Variants in SLC16A12 observed in about 807,000 individuals in gnomAD.
SLC16A12 encodes the protein solute carrier family 16 member 12.
Under a neutral mutation model 42.4 loss-of-function variants are expected in SLC16A12, and 17 were observed. That is an observed-to-expected ratio of 0.40 (90% CI 0.27 to 0.60). The LOEUF is 0.60. Ranked by LOEUF, SLC16A12 falls within the 20% of genes least tolerant of loss-of-function variation. The probability of loss-of-function intolerance (pLI) is 0.42; values close to 1 mark genes in which losing one functional copy is unlikely to be tolerated. For missense variants in SLC16A12, 544 were observed against 623.0 expected (o/e 0.87, Z 1.35); for synonymous variants, 224 against 229.4 (o/e 0.98, Z 0.21).
chr10:89,494,068 T>C (rs1470001195), intron 2 of SLC16A12, among the ~76,000 whole-genome samples: 5 of 152,232 alleles, frequency 3.3e-5, no homozygotes, highest in African/African-American at 9.6e-5. Context: ...ATATTTCTTC[T>C]TGAAGAACTA....
At chr10:89,491,334 G>T (rs922997230) in intron 2 of SLC16A12, among the ~76,000 whole-genome samples, 6 of 152,090 alleles carry the variant, frequency 3.9e-5, no homozygotes, top group Non-Finnish European at 1.5e-5. Flanking sequence ...ACAGGTGTGT[G>T]CCTAGAAGGA....
At chr10:89,550,093 C>T (rs2133889912) in intron 2 of SLC16A12, among the ~76,000 whole-genome samples, 1 of 151,886 alleles carries the variant, frequency 6.6e-6, no homozygotes, top group East Asian at 1.9e-4. Context: ...CCTTTTTTTC[C>T]ATCTGCACTG....
chr10:89,513,134 T>C (rs543002376), intron 2 of SLC16A12, among the ~76,000 whole-genome samples: 1 of 152,280 alleles, frequency 6.6e-6, no homozygotes, highest in East Asian at 1.9e-4. Flanking sequence ...TAATAATGGT[T>C]AAAATGGTAA....
At chr10:89,549,135 ACT>A (rs1236468104) in intron 2 of SLC16A12, among the ~76,000 whole-genome samples, 1 of 152,074 alleles carries the variant, frequency 6.6e-6, no homozygotes, top group Non-Finnish European at 1.5e-5. Flanking sequence ...ACCCTTTCTG[ACT>A]CTCTGTGTTG....
upstream of SLC16A12, among the ~76,000 whole-genome samples, chr10:89,536,839 T>C (rs1490154078): frequency 6.6e-6 from 1 of 152,166 alleles, no homozygotes; most frequent in Non-Finnish European, 1.5e-5. Context: ...TTTGGAATTA[T>C]TATTATTATT....
intron 3 of SLC16A12, among the ~76,000 whole-genome samples, chr10:89,462,092 C>A (rs1248662329): frequency 6.6e-6 from 1 of 152,080 alleles, no homozygotes; most frequent in Non-Finnish European, 1.5e-5. Flanking sequence ...CTATCTGGGA[C>A]TCATAAGTGT....
intron 2 of SLC16A12, among the ~76,000 whole-genome samples, chr10:89,497,649 C>T (rs1842939659): frequency 6.6e-6 from 1 of 152,114 alleles, no homozygotes; most frequent in East Asian, 1.9e-4. Flanking sequence ...AGTCTCCTGA[C>T]TTCCAATCTA....
chr10:89,549,916 C>T (rs1843760922), intron 2 of SLC16A12, among the ~76,000 whole-genome samples: 1 of 152,070 alleles, frequency 6.6e-6, no homozygotes, highest in East Asian at 1.9e-4. Context: ...CAGACCCAGC[C>T]TTCCCTCTTT....
At chr10:89,502,530 C>T (rs1264165559) in intron 2 of SLC16A12, among the ~76,000 whole-genome samples, 1 of 152,158 alleles carries the variant, frequency 6.6e-6, no homozygotes, top group Non-Finnish European at 1.5e-5. Flanking sequence ...ATGCATTCAC[C>T]TACTTATGGT....
chr10:89,436,143 A>G lies in SLC16A12; in HGVS notation c.1205T>C (p.Val402Ala). ...CGCTGATGACAAAGAGGTGGTCCCC[A>G]CTATCTCTGTGGTCACTACTGGGAT... ...TLIPVVTTEI[V>A]GTTSLSSALG... Residue 402 changes from valine to alanine, a missense_variant, in exon 7 of 8, where the codon GTG (valine) becomes GCG (alanine). Coordinates refer to ENST00000371790, the MANE Select transcript of SLC16A12 (RefSeq NM_213606.4). The G allele has an allele frequency of 6.2e-7, 1 of 1,613,988 alleles. No homozygotes were observed. Among genetic ancestry groups the G allele is most frequent in the Non-Finnish European group, 8.5e-7 (1 of 1,179,962 alleles).
At chr10:89,551,126 T>A (rs1843768014) in intron 2 of SLC16A12, among the ~76,000 whole-genome samples, 1 of 152,204 alleles carries the variant, frequency 6.6e-6, no homozygotes, top group African/African-American at 2.4e-5. Flanking sequence ...TCCAGAGTTA[T>A]ACTGGTGACC....
chr10:89,553,971 G>A (rs1339673483), intron 2 of SLC16A12, among the ~76,000 whole-genome samples: 4 of 149,412 alleles, frequency 2.7e-5, no homozygotes, highest in African/African-American at 5.0e-5. Flanking sequence ...CTCCAGCCTG[G>A]GCAACAGAGC....
At chr10:89,554,668 G>A (rs1843798434) in intron 2 of SLC16A12, among the ~76,000 whole-genome samples, 1 of 152,080 alleles carries the variant, frequency 6.6e-6, no homozygotes, top group South Asian at 2.1e-4. Flanking sequence ...GTGTGTTGTG[G>A]GGAAACGGTC....
At chr10:89,433,407 A>G in intron 7 of SLC16A12, 81 bp from the exon 8 acceptor site, 2 of 1,457,832 alleles carry the variant, frequency 1.4e-6, no homozygotes, top group Non-Finnish European at 1.9e-6. Flanking sequence ...ATGATTTGTA[A>G]GGATAATAAT....
chr10:89,505,666 C>T (rs1843049472), intron 2 of SLC16A12, among the ~76,000 whole-genome samples: 2 of 152,158 alleles, frequency 1.3e-5, no homozygotes, highest in Non-Finnish European at 1.5e-5. Context: ...ATTTCCCTTT[C>T]CCAGCCAAGG....
chr10:89,537,718 C>T (rs979109077), upstream of SLC16A12, among the ~76,000 whole-genome samples: 1 of 151,730 alleles, frequency 6.6e-6, no homozygotes, highest in Admixed American at 6.6e-5. Context: ...AAATAAGTCT[C>T]ACTTTCCATT....
chr10:89,448,095 T>A (rs546873396), intron 3 of SLC16A12, among the ~76,000 whole-genome samples: 3 of 152,158 alleles, frequency 2.0e-5, no homozygotes, highest in East Asian at 3.9e-4. Context: ...AATAACAGGC[T>A]CTGAAATTGA....
At chr10:89,441,086 A>G (rs777172875) in intron 5 of SLC16A12, 22 bp downstream of exon 5, 5 of 1,613,576 alleles carry the variant, frequency 3.1e-6, no homozygotes, top group Admixed American at 1.7e-5. Flanking sequence ...GGGGTGAGAC[A>G]GGTGGTACAA....
intron 2 of SLC16A12, among the ~76,000 whole-genome samples, chr10:89,517,451 T>C (rs1229992537): frequency 1.3e-5 from 2 of 151,622 alleles, no homozygotes; most frequent in Non-Finnish European, 2.9e-5. Flanking sequence ...GGTAGGACTA[T>C]AATCACATGC....
Sources: allele counts gnomAD v4.1 joint callset (sites outside exome capture counted in the v4.1 genomes callset), GRCh38; gene constraint gnomAD v4.1.1; transcripts MANE v1.5; gene names NCBI Gene and HGNC (gene_info 2026-07-23, HGNC 2026-07-21).